The following GCNT1 variants were observed in gnomAD, a reference collection of about 807,000 sequenced individuals.
GCNT1 encodes glucosaminyl (N-acetyl) transferase 1.
In GCNT1, 16 loss-of-function variants were observed where a neutral mutation model predicts 26.2. That is an observed-to-expected ratio of 0.61 (90% CI 0.41 to 0.93). GCNT1 has a LOEUF of 0.93. Ranked by LOEUF, GCNT1 falls within the 40% of genes least tolerant of loss-of-function variation. The pLI is 0.00. For synonymous variants in GCNT1, 183 were observed against 190.8 expected (o/e 0.96, Z 0.34); for missense variants, 477 against 526.7 (o/e 0.91, Z 0.92).
chr9:76,454,842 CTTTTTTTTTTTTT>C (rs1183951605), upstream of GCNT1, among the ~76,000 whole-genome samples: 3 of 105,658 alleles, frequency 2.8e-5, no homozygotes, highest in African/African-American at 3.7e-5. Context: ...CTTTTCTTTT[CTTTTTTTTTTTTT>C]TTTTTTTTTG....
intron 1 of GCNT1, among the ~76,000 whole-genome samples, chr9:76,433,144 T>A (rs545670370): frequency 1.3e-4 from 20 of 152,332 alleles, no homozygotes; most frequent in African/African-American, 4.6e-4. Context: ...CATAATCTCA[T>A]TCTTCTTGGA....
chr9:76,496,409 T>C (rs1824907652), intron 2 of GCNT1, among the ~76,000 whole-genome samples: 1 of 152,228 alleles, frequency 6.6e-6, no homozygotes, highest in African/African-American at 2.4e-5. Flanking sequence ...GCTGGTCTGT[T>C]CTTTCCCGCC....
chr9:76,454,328 A>G (rs1823716248), upstream of GCNT1, among the ~76,000 whole-genome samples: 1 of 135,222 alleles, frequency 7.4e-6, no homozygotes, highest in Non-Finnish European at 1.6e-5. Flanking sequence ...GTGAGCTGAG[A>G]TTGCACCACC....
chr9:76,455,709 C>T (rs1301364241), upstream of GCNT1, among the ~76,000 whole-genome samples: 1 of 152,180 alleles, frequency 6.6e-6, no homozygotes, highest in Admixed American at 6.5e-5. Flanking sequence ...TCAACCGATT[C>T]TCGTGCCTCA....
chr9:76,414,520 G>A, the GCNT1 span, among the ~76,000 whole-genome samples: 1 of 152,156 alleles, frequency 6.6e-6, no homozygotes, highest in African/African-American at 2.4e-5. Flanking sequence ...GAGCAACCAG[G>A]GGGCTGCTGG....
chr9:76,499,678 CTA>C (rs1474033444), intron 2 of GCNT1, among the ~76,000 whole-genome samples: 2 of 152,144 alleles, frequency 1.3e-5, no homozygotes, highest in Admixed American at 1.3e-4. Flanking sequence ...TATTAATAGA[CTA>C]TTTTTAGAGC....
At chr9:76,455,753 C>T (rs1042266546), upstream of GCNT1, among the ~76,000 whole-genome samples, 1 of 152,012 alleles carries the variant, frequency 6.6e-6, no homozygotes, top group African/African-American at 2.4e-5. Flanking sequence ...AGGCATGTGC[C>T]ACCGCACCCA....
chr9:76,406,717 AT>A, the GCNT1 span, among the ~76,000 whole-genome samples: 1 of 151,716 alleles, frequency 6.6e-6, no homozygotes, highest in South Asian at 2.1e-4. Flanking sequence ...GGAAAAAATC[AT>A]CAGGTTGTTC....
chr9:76,421,429 A>C (rs986754907), intron 1 of GCNT1, among the ~76,000 whole-genome samples: 1 of 151,570 alleles, frequency 6.6e-6, no homozygotes, highest in Non-Finnish European at 1.5e-5. Context: ...GTAAAACCCC[A>C]TCTCTATTTA....
At position 76,503,792 on chromosome 9, in the gene GCNT1, A is replaced by G. The variant is rs1825161154; in HGVS notation, c.*124A>G. On this transcript the variant is annotated 3_prime_UTR_variant, in exon 4 of 4. Transcript: ENST00000376730. ...CTCTTTGGGGCAGGGACTCTAGTAGATCTTCTTGTCAGAGAAGCTGCATGG... is the reference window on the plus strand; with the variant it reads ...CTCTTTGGGGCAGGGACTCTAGTAGGTCTTCTTGTCAGAGAAGCTGCATGG... 1 of 737,632 alleles carries G rather than the reference A, an allele frequency of 1.4e-6. No individual in the cohort carries two copies. Among genetic ancestry groups the G allele is most frequent in the Admixed American group, 2.3e-5 (1 of 43,812 alleles). The allele number at this position is 737,632 out of a possible 1,614,324, so 45.7% of individuals were successfully genotyped here.
intron 2 of GCNT1, among the ~76,000 whole-genome samples, chr9:76,500,484 T>G (rs969171947): frequency 1.3e-5 from 2 of 152,126 alleles, no homozygotes; most frequent in African/African-American, 4.8e-5. Flanking sequence ...GATAGAGGTG[T>G]GGAGTGGGGT....
chr9:76,499,737 C>T (rs1228694187), intron 2 of GCNT1, among the ~76,000 whole-genome samples: 1 of 152,110 alleles, frequency 6.6e-6, no homozygotes, highest in Non-Finnish European at 1.5e-5. Flanking sequence ...AGAGAGTTTC[C>T]ATTTACCCCC....
At chr9:76,426,906 C>CA (rs1823264389) in intron 1 of GCNT1, among the ~76,000 whole-genome samples, 1 of 151,960 alleles carries the variant, frequency 6.6e-6, no homozygotes. Flanking sequence ...AGTGAGACTC[C>CA]ATCTAAAAAA....
At chr9:76,432,003 A>G (rs1363155475) in intron 1 of GCNT1, among the ~76,000 whole-genome samples, 1 of 152,110 alleles carries the variant, frequency 6.6e-6, no homozygotes, top group Non-Finnish European at 1.5e-5. Flanking sequence ...CAGCTTCTTG[A>G]GAGCCTGAGG....
chr9:76,497,115 A>C (rs1824927600), intron 2 of GCNT1, among the ~76,000 whole-genome samples: 1 of 152,218 alleles, frequency 6.6e-6, no homozygotes. Flanking sequence ...TTCTTCAGTG[A>C]GTATGCTTCC....
At chr9:76,466,154 C>T (rs1823988817) in intron 2 of GCNT1, among the ~76,000 whole-genome samples, 1 of 152,134 alleles carries the variant, frequency 6.6e-6, no homozygotes, top group African/African-American at 2.4e-5. Flanking sequence ...AGTTTGATCA[C>T]TGTATTTGGT....
the GCNT1 span, among the ~76,000 whole-genome samples, chr9:76,413,668 G>GTTTTTTTTTTTTTT: frequency 1.8e-4 from 15 of 84,196 alleles, no homozygotes; most frequent in South Asian, 4.0e-4. Context: ...TTTTTTTTTT[G>GTTTTTTTTTTTTTT]TTTTTTTTTT....
intron 1 of GCNT1, chr9:76,419,896 G>A (rs945086033): frequency 6.6e-6 from 1 of 152,260 alleles, no homozygotes; most frequent in African/African-American, 2.4e-5. Context: ...AGGTAAGTCA[G>A]GAGGTGTCTC....
chr9:76,504,300 C>T lies in GCNT1; in HGVS notation c.*632C>T, dbSNP rs114789180. ...TTGCTTGAAACAACGCACACATTTT[C>T]AACAACCAAAAAATGACAATTTCTA... is the stretch of plus-strand genomic sequence containing the variant. On this transcript the variant is annotated 3_prime_UTR_variant, in exon 4 of 4. Coordinates refer to ENST00000376730, the MANE Select transcript of GCNT1 (RefSeq NM_001490.5). The T allele has an allele frequency of 1.6e-3, 275 of 169,078 alleles. No individual in the cohort carries two copies. The highest frequency in any genetic ancestry group is 6.4e-3 in the African/African-American group (266 of 41,626). 10.5% of individuals were successfully genotyped at this position (169,078 alleles called of 1,614,324 possible). A position where few individuals can be genotyped will look rare whatever the true frequency, so the allele number is the denominator to read the frequency against.
Sources: gnomAD v4.1 joint callset for allele counts (sites outside exome capture counted in the v4.1 genomes callset) on GRCh38, gnomAD v4.1.1 for gene constraint, MANE v1.5 for transcripts, NCBI Gene and HGNC (gene_info 2026-07-23, HGNC 2026-07-21) for gene names.